Variants in HHAT observed in about 807,000 individuals in gnomAD.
HHAT encodes hedgehog acyltransferase, also known as protein-cysteine N-palmitoyltransferase HHAT.
HHAT carries 47 observed loss-of-function variants against 70.8 expected under a neutral mutation model. The observed-to-expected ratio is 0.66, with a 90% CI of 0.53 to 0.85. The LOEUF is 0.85. HHAT is among the 40% of genes least tolerant of loss of function. The probability of loss-of-function intolerance (pLI) is 0.00; values close to 1 mark genes in which losing one functional copy is unlikely to be tolerated. For synonymous variants in HHAT, 228 were observed against 247.6 expected (o/e 0.92, Z 0.74); for missense variants, 609 against 604.8 (o/e 1.01, Z -0.07).
intron 3 of HHAT, chr1:210,374,180 A>AAAATT (rs1412261912): frequency 2.6e-5 from 4 of 152,198 alleles, no homozygotes; most frequent in Admixed American, 6.5e-5. Flanking sequence ...AGGCTTACAA[A>AAAATT]AAATTAGCTT....
At chr1:210,450,506 A>T (rs2093730456) in intron 7 of HHAT, among the ~76,000 whole-genome samples, 2 of 150,544 alleles carry the variant, frequency 1.3e-5, no homozygotes, top group Non-Finnish European at 1.5e-5. Flanking sequence ...TTTTAAAAAA[A>T]TTTTTTTTGA....
intron 3 of HHAT, among the ~76,000 whole-genome samples, chr1:210,383,875 G>A (rs1265264336): frequency 6.6e-6 from 1 of 152,194 alleles, no homozygotes; most frequent in East Asian, 1.9e-4. Flanking sequence ...TGGGAAGAAA[G>A]GACAGGTCTG....
chr1:210,518,291 G>A lies in HHAT; in HGVS notation c.1043+5103G>A, dbSNP rs2095094235. 1.2e-4 allele frequency among the ~76,000 whole-genome samples: 18 copies of A among 152,098 alleles called. No homozygotes were observed. The South Asian group carries it at 3.7e-3, about 32-fold the overall frequency. ...CCACTGTTTTATTCTCTGTTACTGT[G>A]TTATGAATTTTTTTAAGCTTCCACA... On this transcript the variant is annotated intron_variant, in intron 9 of 11. Coordinates refer to ENST00000261458, the MANE Select transcript of HHAT (RefSeq NM_018194.6).
intron 7 of HHAT, 95 bp from the exon 8 acceptor site, chr1:210,464,410 G>C: frequency 8.4e-7 from 1 of 1,190,634 alleles, no homozygotes; most frequent in Non-Finnish European, 1.2e-6. Flanking sequence ...GTGGGGAGAA[G>C]CGGGGCAGTT....
intron 11 of HHAT, among the ~76,000 whole-genome samples, chr1:210,630,835 G>T (rs1050078078): frequency 6.6e-6 from 1 of 152,220 alleles, no homozygotes; most frequent in African/African-American, 2.4e-5. Flanking sequence ...TGCAGAGCTG[G>T]AGCTGCTGAG....
intron 10 of HHAT, among the ~76,000 whole-genome samples, chr1:210,603,631 T>C (rs1664754078): frequency 6.6e-6 from 1 of 152,180 alleles, no homozygotes; most frequent in African/African-American, 2.4e-5. Context: ...CTGCAATATA[T>C]TTTTACAATG....
At chr1:210,416,199 C>T (rs377750570) in intron 6 of HHAT, among the ~76,000 whole-genome samples, 1 of 151,950 alleles carries the variant, frequency 6.6e-6, no homozygotes, top group Non-Finnish European at 1.5e-5. Flanking sequence ...GGGGGCAGTG[C>T]CTGCCACTCT....
At chr1:210,515,757 CAAAA>C (rs34971563) in intron 9 of HHAT, among the ~76,000 whole-genome samples, 3 of 80,306 alleles carry the variant, frequency 3.7e-5, no homozygotes, top group Admixed American at 1.5e-4. Context: ...GACTCCGTCT[CAAAA>C]AAAAAAAAAA....
In HHAT at chr1:210,513,190, TA is replaced by T; in HGVS notation, c.1043+4del. 1 of 1,468,568 alleles carries T rather than the reference TA, an allele frequency of 6.8e-7. No individual in the cohort carries two copies. The highest frequency in any genetic ancestry group is 9.5e-7 in the Non-Finnish European group (1 of 1,054,564). 91.0% of individuals were successfully genotyped at this position (1,468,568 alleles called of 1,614,324 possible). A position where few individuals can be genotyped will look rare whatever the true frequency, so the allele number is the denominator to read the frequency against. On this transcript the variant is annotated splice_donor_region_variant and intron_variant, in intron 9 of 11. Coordinates refer to ENST00000261458, the MANE Select transcript of HHAT (RefSeq NM_018194.6). ...TGGACTGCATAATTTCTTAATCAGG[TA>T]AGCCAATAATTTTTATTTTAGATAA...
intron 4 of HHAT, among the ~76,000 whole-genome samples, chr1:210,398,982 G>A (rs58737385): frequency 0.015 from 2,294 of 152,252 alleles, 78 homozygotes; most frequent in African/African-American, 0.053. Flanking sequence ...ATAGGTTTGG[G>A]AAAGAATGGT....
intron 9 of HHAT, among the ~76,000 whole-genome samples, chr1:210,554,118 TAAGA>T (rs35502242): frequency 0.062 from 9,364 of 152,148 alleles, 619 homozygotes; most frequent in East Asian, 0.33. Context: ...GGATGCATTT[TAAGA>T]AAGAGAGTAA....
intron 1 of HHAT, among the ~76,000 whole-genome samples, chr1:210,337,562 C>T (rs2085616404): frequency 6.6e-6 from 1 of 152,056 alleles, no homozygotes; most frequent in Non-Finnish European, 1.5e-5. Context: ...TCTTAGATTC[C>T]TTCATCCAGG....
chr1:210,532,269 C>T (rs577742498), intron 9 of HHAT, among the ~76,000 whole-genome samples: 31 of 152,154 alleles, frequency 2.0e-4, no homozygotes, highest in African/African-American at 6.0e-4. Flanking sequence ...TGAGAAAGTG[C>T]ATCTGATTAC....
At chr1:210,591,673 G>A (rs1661735856) in intron 10 of HHAT, among the ~76,000 whole-genome samples, 1 of 152,102 alleles carries the variant, frequency 6.6e-6, no homozygotes, top group African/African-American at 2.4e-5. Flanking sequence ...CACCAACAGT[G>A]TACAATGATG....
chr1:210,418,460 A>C (rs1406056019), intron 7 of HHAT, 135 bp downstream of exon 7: 1 of 738,012 alleles, frequency 1.4e-6, no homozygotes. Flanking sequence ...TTTTTAACCT[A>C]CTCCTCTTGT....
At chr1:210,471,664 AG>A (rs1287503001) in intron 8 of HHAT, among the ~76,000 whole-genome samples, 1 of 152,112 alleles carries the variant, frequency 6.6e-6, no homozygotes, top group Non-Finnish European at 1.5e-5. Flanking sequence ...TAACAGCAAT[AG>A]CAGCAGCAGC....
intron 8 of HHAT, among the ~76,000 whole-genome samples, chr1:210,481,407 T>G (rs1274665408): frequency 9.1e-6 from 1 of 109,350 alleles, no homozygotes; most frequent in African/African-American, 2.7e-5. Flanking sequence ...AAAGCTTTTC[T>G]AACACTTGTG....
intron 9 of HHAT, among the ~76,000 whole-genome samples, chr1:210,553,976 A>G (rs1000427854): frequency 6.6e-6 from 1 of 152,128 alleles, no homozygotes; most frequent in African/African-American, 2.4e-5. Flanking sequence ...TGGGATCTGT[A>G]TTTTTATTGC....
chr1:210,616,975 G>A (rs1216409770), intron 10 of HHAT, among the ~76,000 whole-genome samples: 1 of 152,200 alleles, frequency 6.6e-6, no homozygotes, highest in Non-Finnish European at 1.5e-5. Context: ...GACTTTGCTA[G>A]GATTGGGATG....
Sources: gnomAD v4.1 joint callset for allele counts (sites outside exome capture counted in the v4.1 genomes callset) on GRCh38, gnomAD v4.1.1 for gene constraint, MANE v1.5 for transcripts, NCBI Gene and HGNC (gene_info 2026-07-23, HGNC 2026-07-21) for gene names.